Variants in SLC24A2 observed in about 807,000 individuals in gnomAD.
The protein encoded by SLC24A2 is solute carrier family 24 member 2, also known as sodium/potassium/calcium exchanger 2.
Under a neutral mutation model 62.0 loss-of-function variants are expected in SLC24A2, and 36 were observed. The ratio of observed to expected loss-of-function variants is 0.58; its 90% CI spans 0.44 to 0.77. SLC24A2 has a LOEUF of 0.77. Among genes scored for constraint, SLC24A2 ranks in the 30% least tolerant of loss-of-function variants. SLC24A2 has a pLI of 0.00. For synonymous variants in SLC24A2, 358 were observed against 294.0 expected, an observed-to-expected ratio of 1.22 and a Z score of -2.23; for missense variants, 846 against 817.9, an observed-to-expected ratio of 1.03 and a Z score of -0.42.
In SLC24A2 at chr9:19,753,907, C is replaced by T. The variant is rs528208995; in HGVS notation, c.930+32030G>A. 2.4e-4 allele frequency among the ~76,000 whole-genome samples: 36 copies of T among 152,232 alleles called. 1 individual carries two copies. Among genetic ancestry groups the T allele is most frequent in the East Asian group, 9.7e-4 (5 of 5,180 alleles). ...ACTTTCTGGCTCCAAAAATTGGCATCTGGCAGCATCTCCTTCCACCTGCAT... is the reference window on the plus strand; with the variant it reads ...ACTTTCTGGCTCCAAAAATTGGCATTTGGCAGCATCTCCTTCCACCTGCAT... On this transcript the variant is annotated intron_variant, in intron 2 of 10. Transcript: ENST00000341998.
At chr9:19,897,934 C>G in the SLC24A2 span, among the ~76,000 whole-genome samples, 1 of 152,194 alleles carries the variant, frequency 6.6e-6, no homozygotes, top group Non-Finnish European at 1.5e-5. Flanking sequence ...CCCCATCCCA[C>G]TTTTCCTTTT....
chr9:20,221,708 G>A, the SLC24A2 span, among the ~76,000 whole-genome samples: 1 of 152,038 alleles, frequency 6.6e-6, no homozygotes, highest in Admixed American at 6.6e-5. Flanking sequence ...AATGGAAGAT[G>A]TTTAAAGCTC....
At chr9:19,949,453 G>A in the SLC24A2 span, among the ~76,000 whole-genome samples, 5 of 152,220 alleles carry the variant, frequency 3.3e-5, no homozygotes, top group Admixed American at 2.0e-4. Context: ...ATAACAAAAT[G>A]TGATGAAATA....
At chr9:20,012,353 G>T in the SLC24A2 span, among the ~76,000 whole-genome samples, 2 of 152,158 alleles carry the variant, frequency 1.3e-5, no homozygotes. Context: ...ATCAGATCTC[G>T]TGAGTCTTAT....
At chr9:19,561,580 G>C (rs1308523231) in intron 7 of SLC24A2, among the ~76,000 whole-genome samples, 1 of 151,646 alleles carries the variant, frequency 6.6e-6, no homozygotes, top group Non-Finnish European at 1.5e-5. Context: ...GACTACAGGT[G>C]CGTGCCACCA....
chr9:19,723,564 T>C (rs929964353), intron 2 of SLC24A2, among the ~76,000 whole-genome samples: 18 of 152,134 alleles, frequency 1.2e-4, no homozygotes, highest in African/African-American at 4.3e-4. Context: ...AAATAAGCAA[T>C]TTTTGCCATA....
At chr9:20,212,379 G>A in the SLC24A2 span, among the ~76,000 whole-genome samples, 8 of 151,780 alleles carry the variant, frequency 5.3e-5, no homozygotes, top group African/African-American at 1.9e-4. Context: ...GGCCAGGCAT[G>A]ATGGCTTGTG....
At chr9:19,900,888 T>G in the SLC24A2 span, among the ~76,000 whole-genome samples, 1 of 152,106 alleles carries the variant, frequency 6.6e-6, no homozygotes, top group Non-Finnish European at 1.5e-5. Flanking sequence ...GAAAAACACA[T>G]AAGGCTCGTG....
At chr9:19,922,033 T>C in the SLC24A2 span, among the ~76,000 whole-genome samples, 1 of 152,198 alleles carries the variant, frequency 6.6e-6, no homozygotes. Context: ...CCTTGATTCA[T>C]CTACTTCTGT....
chr9:19,586,770 A>G (rs1013427469), intron 5 of SLC24A2, among the ~76,000 whole-genome samples: 4 of 152,138 alleles, frequency 2.6e-5, no homozygotes, highest in African/African-American at 4.8e-5. Flanking sequence ...ATTTTAGATC[A>G]CCTGCTTCAT....
At chr9:19,651,774 T>C (rs1187236084) in intron 2 of SLC24A2, among the ~76,000 whole-genome samples, 4 of 152,202 alleles carry the variant, frequency 2.6e-5, no homozygotes, top group East Asian at 1.9e-4. Context: ...CTAAAAATTA[T>C]TGGGATCATC....
chr9:20,101,764 A>T, the SLC24A2 span, among the ~76,000 whole-genome samples: 1 of 152,302 alleles, frequency 6.6e-6, no homozygotes, highest in African/African-American at 2.4e-5. Context: ...AAGGAAAAGA[A>T]AAAAGAAAGA....
chr9:19,878,598 C>T, the SLC24A2 span, among the ~76,000 whole-genome samples: 1 of 151,934 alleles, frequency 6.6e-6, no homozygotes, highest in Non-Finnish European at 1.5e-5. Flanking sequence ...GGGTGGATTT[C>T]CCCCTTTGGT....
the SLC24A2 span, among the ~76,000 whole-genome samples, chr9:20,033,548 T>C: frequency 1.3e-5 from 2 of 152,222 alleles, no homozygotes; most frequent in Non-Finnish European, 2.9e-5. Context: ...AGGATTCTTA[T>C]TACAGAGTGT....
At chr9:19,521,188 A>G (rs533126655) in intron 9 of SLC24A2, 128 bp from the exon 10 acceptor site, 36 of 830,034 alleles carry the variant, frequency 4.3e-5, no homozygotes, top group South Asian at 3.3e-4. Flanking sequence ...CTGAGATGAT[A>G]AAGATGAATA....
chr9:19,754,099 TAA>T (rs1204602290), intron 2 of SLC24A2, among the ~76,000 whole-genome samples: 2 of 152,118 alleles, frequency 1.3e-5, no homozygotes, highest in Non-Finnish European at 2.9e-5. Context: ...ACTATGAAGG[TAA>T]AAAAGCTTAC....
chr9:19,616,872 G>A (rs1817781856), intron 4 of SLC24A2, among the ~76,000 whole-genome samples: 1 of 152,128 alleles, frequency 6.6e-6, no homozygotes, highest in African/African-American at 2.4e-5. Context: ...TGAAAAATGG[G>A]CAGGAGTAAC....
the SLC24A2 span, among the ~76,000 whole-genome samples, chr9:20,274,332 G>C: frequency 1.3e-5 from 2 of 152,098 alleles, no homozygotes; most frequent in Admixed American, 6.5e-5. Context: ...GAAGAGGTGA[G>C]GAGCCAAGAT....
the SLC24A2 span, among the ~76,000 whole-genome samples, chr9:19,821,794 T>G: frequency 2.0e-5 from 3 of 152,112 alleles, no homozygotes; most frequent in Non-Finnish European, 4.4e-5. Flanking sequence ...GATACATGTG[T>G]TGAAATAGGA....
Sources: allele counts gnomAD v4.1 joint callset (sites outside exome capture counted in the v4.1 genomes callset), GRCh38; gene constraint gnomAD v4.1.1; transcripts MANE v1.5; gene names NCBI Gene and HGNC (gene_info 2026-07-23, HGNC 2026-07-21).